LARGE1: variants seen among roughly 807,000 people sequenced by gnomAD.
LARGE1 encodes LARGE xylosyl- and glucuronyltransferase 1.
A neutral mutation model predicts 87.6 loss-of-function variants in LARGE1; 43 were observed. The ratio of observed to expected loss-of-function variants is 0.49; its 90% CI spans 0.38 to 0.63. LARGE1 has a LOEUF of 0.63. Ranked by LOEUF, LARGE1 falls within the 30% of genes least tolerant of loss-of-function variation. The pLI is 0.00. For missense variants in LARGE1, 802 were observed against 1,000.2 expected (o/e 0.80, Z 2.67); for synonymous variants, 434 against 394.6 (o/e 1.10, Z -1.18).
At chr22:33,661,415 T>C (rs1208989431) in intron 2 of LARGE1, among the ~76,000 whole-genome samples, 1 of 152,076 alleles carries the variant, frequency 6.6e-6, no homozygotes, top group Non-Finnish European at 1.5e-5. Context: ...GGTTTCACCA[T>C]GTTGGCCAGC....
intron 1 of LARGE1, among the ~76,000 whole-genome samples, chr22:33,807,091 G>T (rs1402538756): frequency 6.6e-6 from 1 of 152,154 alleles, no homozygotes; most frequent in Non-Finnish European, 1.5e-5. Flanking sequence ...TTTGCAGCAG[G>T]TAAGGCAACA....
intron 6 of LARGE1, among the ~76,000 whole-genome samples, chr22:33,545,625 T>C (rs2283912): frequency 0.7 from 106,097 of 152,102 alleles, 37,673 homozygotes; most frequent in African/African-American, 0.82. Flanking sequence ...TTTTTGCAGA[T>C]ATGGGGTTTT....
At chr22:33,508,250 T>C (rs1381315414) in intron 6 of LARGE1, among the ~76,000 whole-genome samples, 1 of 152,150 alleles carries the variant, frequency 6.6e-6, no homozygotes, top group Non-Finnish European at 1.5e-5. Flanking sequence ...AAGACTCTAC[T>C]GGTGGGTGTC....
chr22:33,801,056 TAGTG>T (rs766067063), intron 1 of LARGE1, among the ~76,000 whole-genome samples: 3 of 152,134 alleles, frequency 2.0e-5, no homozygotes, highest in African/African-American at 4.8e-5. Context: ...ATTCTCATGA[TAGTG>T]AGTAAGTCTC....
intron 7 of LARGE1, among the ~76,000 whole-genome samples, chr22:33,404,886 G>C (rs1331981233): frequency 2.0e-5 from 3 of 152,158 alleles, no homozygotes; most frequent in Non-Finnish European, 2.9e-5. Context: ...TCAGTGGGGG[G>C]GAAGGAAAGT....
rs1265300096 is a variant in LARGE1 at position 33,203,083 on chromosome 22, CTCTCTCTCTCTCTCTCTCTGTG to C, written c.1731-36273_1731-36252del. Among the ~76,000 whole-genome samples, 9 of 135,376 alleles carry C rather than the reference CTCTCTCTCTCTCTCTCTCTGTG, an allele frequency of 6.6e-5. No individual in the cohort carries two copies. The South Asian group carries it at 1.7e-3, about 26-fold the overall frequency. 88.8% of individuals were successfully genotyped at this position (135,376 alleles called of 152,430 possible). ...GAATCTAAACTCTCTCTCTCTCTCT[CTCTCTCTCTCTCTCTCTCTGTG>C]TGTGTGTGTGTGTGTGTGTGCAAGA... On this transcript the variant is annotated intron_variant, in intron 11 of 11. Coordinates refer to the LARGE1 transcript ENST00000608642.
At chr22:33,919,497 C>T (rs982976544) in intron 1 of LARGE1, among the ~76,000 whole-genome samples, 3 of 152,222 alleles carry the variant, frequency 2.0e-5, no homozygotes, top group South Asian at 4.1e-4. Context: ...GCCAACCAAC[C>T]ACTCTGTCCT....
chr22:33,844,500 G>A (rs1052896060), intron 1 of LARGE1, among the ~76,000 whole-genome samples: 1 of 152,126 alleles, frequency 6.6e-6, no homozygotes, highest in African/African-American at 2.4e-5. Context: ...GGACGATCAG[G>A]CAGCACTGGA....
intron 1 of LARGE1, among the ~76,000 whole-genome samples, chr22:33,869,681 AG>A (rs1338493229): frequency 6.6e-6 from 1 of 152,200 alleles, no homozygotes; most frequent in African/African-American, 2.4e-5. Flanking sequence ...CATCCTGGGA[AG>A]GGGGTCCCTT....
intron 10 of LARGE1, among the ~76,000 whole-genome samples, chr22:33,327,948 C>T (rs1375686368): frequency 1.3e-5 from 2 of 151,886 alleles, no homozygotes; most frequent in East Asian, 4.0e-4. Flanking sequence ...ATTTATTGAG[C>T]ATGGATCTGG....
rs112175612 is a variant in LARGE1, at chr22:33,315,005, C to T, written c.1451+1080G>A. ...TGGGAGGATCACGAGGTCAGGAGAT[C>T]GAGACTATCCAGGCCAACACGATGA... On this transcript the variant is annotated intron_variant, in intron 11 of 14. Coordinates refer to ENST00000397394, the MANE Select transcript of LARGE1 (RefSeq NM_133642.5). Among the ~76,000 whole-genome samples, 1,134 of 152,174 alleles carry T rather than the reference C, an allele frequency of 7.5e-3. 8 individuals are homozygous for T. Among genetic ancestry groups the T allele is most frequent in the African/African-American group, 0.026 (1,064 of 41,520 alleles).
intron 2 of LARGE1, among the ~76,000 whole-genome samples, chr22:33,719,371 C>T (rs1319464522): frequency 6.6e-6 from 1 of 152,134 alleles, no homozygotes; most frequent in Non-Finnish European, 1.5e-5. Flanking sequence ...TACGGTAGTA[C>T]ACAGTAATGC....
intron 1 of LARGE1, among the ~76,000 whole-genome samples, chr22:33,899,211 T>C (rs2065222314): frequency 1.3e-5 from 2 of 152,170 alleles, no homozygotes; most frequent in South Asian, 2.1e-4. Context: ...CGCCCACCTG[T>C]GAGGCACTGA....
chr22:33,537,717 C>A (rs553258857), intron 6 of LARGE1, among the ~76,000 whole-genome samples: 2 of 152,256 alleles, frequency 1.3e-5, no homozygotes, highest in East Asian at 3.9e-4. Context: ...CAGGCACATG[C>A]CACCATGCCC....
At chr22:33,346,858 G>C (rs1175841486) in intron 9 of LARGE1, among the ~76,000 whole-genome samples, 1 of 152,158 alleles carries the variant, frequency 6.6e-6, no homozygotes, top group Non-Finnish European at 1.5e-5. Flanking sequence ...TTGCAGCCAG[G>C]GGTGGCCACG....
At chr22:33,275,482 G>T (rs930459251) in intron 14 of LARGE1, among the ~76,000 whole-genome samples, 2 of 152,160 alleles carry the variant, frequency 1.3e-5, no homozygotes, top group Non-Finnish European at 2.9e-5. Flanking sequence ...CAATACAACA[G>T]CAGCAAGAAA....
At chr22:33,389,128 G>A (rs1338763923) in intron 7 of LARGE1, among the ~76,000 whole-genome samples, 1 of 152,226 alleles carries the variant, frequency 6.6e-6, no homozygotes, top group Non-Finnish European at 1.5e-5. Flanking sequence ...AAGGCACAGA[G>A]GCAGGAGATG....
intron 9 of LARGE1, among the ~76,000 whole-genome samples, chr22:33,340,544 C>T (rs1601516386): frequency 6.6e-6 from 1 of 151,978 alleles, no homozygotes; most frequent in South Asian, 2.1e-4. Context: ...TGGCAGACAC[C>T]AAGGCAAGGC....
intron 1 of LARGE1, among the ~76,000 whole-genome samples, chr22:33,817,360 T>A (rs1041427729): frequency 1.3e-5 from 2 of 152,172 alleles, no homozygotes; most frequent in African/African-American, 4.8e-5. Context: ...TATAAATTCA[T>A]TTAATGCTTG....
Sources: gnomAD v4.1 joint callset for allele counts (sites outside exome capture counted in the v4.1 genomes callset) on GRCh38, gnomAD v4.1.1 for gene constraint, MANE v1.5 for transcripts, NCBI Gene and HGNC (gene_info 2026-07-23, HGNC 2026-07-21) for gene names.